The following ARHGAP26 variants were observed in gnomAD, a reference collection of about 807,000 sequenced individuals.
ARHGAP26 encodes the protein rho GTPase-activating protein 26.
A neutral mutation model predicts 104.8 loss-of-function variants in ARHGAP26; 38 were observed. The observed-to-expected ratio is 0.36, with a 90% confidence interval of 0.28 to 0.48. The LOEUF (loss-of-function observed/expected upper bound fraction) is 0.48, where lower values mean the gene tolerates loss of function less well. Among genes scored for constraint, ARHGAP26 ranks in the 20% least tolerant of loss-of-function variants. The pLI, the probability that ARHGAP26 is intolerant of heterozygous loss-of-function variation, is 0.99. For missense variants in ARHGAP26, 704 were observed against 947.9 expected (o/e 0.74, Z 3.38); for synonymous variants, 341 against 340.0 (o/e 1.00, Z -0.03).
chr5:142,856,418 G>A (rs947729187), intron 1 of ARHGAP26, among the ~76,000 whole-genome samples: 2 of 152,220 alleles, frequency 1.3e-5, no homozygotes, highest in African/African-American at 4.8e-5. Flanking sequence ...CTGAAGTGAG[G>A]CTGAACAGAC....
intron 1 of ARHGAP26, among the ~76,000 whole-genome samples, chr5:142,829,244 A>C (rs1767915313): frequency 6.6e-6 from 1 of 152,188 alleles, no homozygotes; most frequent in African/African-American, 2.4e-5. Context: ...AGGTTGACCA[A>C]ATGTCCTAGG....
At chr5:143,089,965 G>C (rs369338423) in intron 17 of ARHGAP26, among the ~76,000 whole-genome samples, 3 of 152,232 alleles carry the variant, frequency 2.0e-5, no homozygotes, top group East Asian at 3.8e-4. Flanking sequence ...TCGGCAGAGT[G>C]TCCAGTAAAG....
In ARHGAP26 at chr5:143,134,097, C is replaced by T. The variant is rs200573018; in HGVS notation, c.1829C>T (p.Thr610Ile). Residue 610 changes from threonine (T) to isoleucine (I), a missense_variant, in exon 19 of 23, where the codon ACA becomes ATA. Thr to Ile is a moderately conservative substitution (Grantham distance 89). Transcript: ENST00000645722. ...ACGCTCTTCCACACCGTTCAGTCAACAGAGAAACGTGAGTCTTTGCTGCAT... is the reference window on the plus strand; with the variant it reads ...ACGCTCTTCCACACCGTTCAGTCAATAGAGAAACGTGAGTCTTTGCTGCAT... ...PLTLFHTVQSTEKQEQRNSII... is the reference protein window; with the variant it reads ...PLTLFHTVQSIEKQEQRNSII... 1.4e-5 allele frequency: 23 copies of T among 1,609,528 alleles called. No homozygotes were observed. The South Asian group carries it at 2.3e-4, about 16-fold the overall frequency.
intron 20 of ARHGAP26, 132 bp from the exon 21 acceptor site, chr5:143,207,066 A>ACAG: frequency 9.5e-7 from 1 of 1,047,432 alleles, no homozygotes; most frequent in South Asian, 1.6e-5. Flanking sequence ...CATGGCCCTG[A>ACAG]CAGCACATCC....
At chr5:142,999,871 A>G (rs775206357) in intron 11 of ARHGAP26, among the ~76,000 whole-genome samples, 2 of 152,210 alleles carry the variant, frequency 1.3e-5, no homozygotes, top group African/African-American at 2.4e-5. Context: ...CGCAAACCAT[A>G]TATCTGACAA....
At position 142,770,933 on chromosome 5, in the gene ARHGAP26, C is replaced by T; in HGVS notation, c.154+18C>T. On this transcript the variant is annotated intron_variant, in intron 1 of 22. Coordinates refer to ENST00000645722, the MANE Select transcript of ARHGAP26 (RefSeq NM_001135608.3). ...GCTCAAGAGTGAGTGTCCCGAGCCC[C>T]TCGGGGACGCGGCTCCGGGGCGGGA... 1 of 1,593,606 alleles carries T rather than the reference C, an allele frequency of 6.3e-7. No individual in the cohort carries two copies. The highest frequency in any genetic ancestry group is 8.6e-7 in the Non-Finnish European group (1 of 1,168,748).
At chr5:143,152,508 T>TATA (rs1799969369) in intron 20 of ARHGAP26, among the ~76,000 whole-genome samples, 1 of 152,262 alleles carries the variant, frequency 6.6e-6, no homozygotes, top group Non-Finnish European at 1.5e-5. Context: ...CTCTGGTCTC[T>TATA]ATAATCTCAC....
chr5:143,054,303 G>A (rs1002211335), intron 14 of ARHGAP26, 136 bp from the exon 15 acceptor site: 6 of 563,420 alleles, frequency 1.1e-5, no homozygotes, highest in African/African-American at 9.4e-5. Context: ...TAATTTAATA[G>A]GTAAAAAAAA....
chr5:143,149,345 G>A (rs1446454853), intron 20 of ARHGAP26, among the ~76,000 whole-genome samples: 1 of 152,182 alleles, frequency 6.6e-6, no homozygotes, highest in Non-Finnish European at 1.5e-5. Context: ...GGTCAGGGAA[G>A]GTTGTTCCTG....
intron 11 of ARHGAP26, among the ~76,000 whole-genome samples, chr5:142,964,594 A>T (rs1037799351): frequency 2.4e-4 from 37 of 152,200 alleles, no homozygotes; most frequent in Admixed American, 1.8e-3. Flanking sequence ...GCAGCAAAAA[A>T]AACCGATGTT....
rs1811733710 is a variant in ARHGAP26, at chr5:143,227,056, CA to C, written c.*4613del. Reference sequence around the variant, plus strand: ...GGGGAGAAAGACAGAAAGAAGAAGCCAAAGATAACCTGATCCCTGCCTGTCT... The same window carrying C: ...GGGGAGAAAGACAGAAAGAAGAAGCCAAGATAACCTGATCCCTGCCTGTCT... On this transcript the variant is annotated 3_prime_UTR_variant, in exon 23 of 23. Coordinates refer to ENST00000645722, the MANE Select transcript of ARHGAP26 (RefSeq NM_001135608.3). 4.3e-6 allele frequency: 1 copy of C among 230,440 alleles called. No individual in the cohort carries two copies. The highest frequency in any genetic ancestry group is 2.2e-5 in the African/African-American group (1 of 45,300). 14.3% of individuals were successfully genotyped at this position (230,440 alleles called of 1,614,324 possible). A position where few individuals can be genotyped will look rare whatever the true frequency, so the allele number is the denominator to read the frequency against.
At position 142,871,285 on chromosome 5, in the gene ARHGAP26, A is replaced by G. The variant is rs897018847; in HGVS notation, c.155-2115A>G. Among the ~76,000 whole-genome samples the G allele has an allele frequency of 2.0e-5, 3 of 152,128 alleles. No individual in the cohort carries two copies. Among genetic ancestry groups the G allele is most frequent in the African/African-American group, 7.2e-5 (3 of 41,410 alleles). On this transcript the variant is annotated intron_variant, in intron 1 of 22. Coordinates refer to ENST00000645722, the MANE Select transcript of ARHGAP26 (RefSeq NM_001135608.3). The surrounding 1 kb of genome is among the most constrained non-coding windows in gnomAD (Gnocchi z 4.1). ...GGGTGCCCCTGTGCAGAAGCCTCAC[A>G]AAGGCCCCGTTGTGCATGACCAGCC...
chr5:143,058,958 A>G (rs944468993), intron 17 of ARHGAP26, among the ~76,000 whole-genome samples: 4 of 152,206 alleles, frequency 2.6e-5, no homozygotes, highest in African/African-American at 4.8e-5. Context: ...ATAACATGCA[A>G]GTTTACAGGA....
intron 11 of ARHGAP26, among the ~76,000 whole-genome samples, chr5:142,990,908 T>G (rs1192114101): frequency 2.0e-5 from 3 of 152,074 alleles, no homozygotes; most frequent in Non-Finnish European, 4.4e-5. Context: ...TACTCGGGGG[T>G]CAGGGACCCA....
At chr5:142,841,665 T>C (rs887880375) in intron 1 of ARHGAP26, among the ~76,000 whole-genome samples, 2 of 152,234 alleles carry the variant, frequency 1.3e-5, no homozygotes, top group Admixed American at 1.3e-4. Flanking sequence ...GAGCAGGAGA[T>C]GTCAGAGGCC....
At chr5:143,087,644 T>TTTTG (rs1790789715) in intron 17 of ARHGAP26, among the ~76,000 whole-genome samples, 1 of 121,616 alleles carries the variant, frequency 8.2e-6, no homozygotes, top group Non-Finnish European at 1.7e-5. Context: ...TTCTTTTTTT[T>TTTTG]TTTTTTTTTT....
intron 11 of ARHGAP26, among the ~76,000 whole-genome samples, chr5:142,986,454 A>G (rs1436520879): frequency 1.3e-5 from 2 of 152,268 alleles, no homozygotes; most frequent in Admixed American, 1.3e-4. Flanking sequence ...CCCATTCTGT[A>G]GGTTGCCTGC....
chr5:143,002,411 G>C (rs1309258928), intron 11 of ARHGAP26, among the ~76,000 whole-genome samples: 1 of 152,090 alleles, frequency 6.6e-6, no homozygotes, highest in Admixed American at 6.6e-5. Context: ...TTGGGGAGGG[G>C]AGCACATAAA....
intron 11 of ARHGAP26, chr5:143,010,618 A>T (rs1182972102): frequency 6.6e-6 from 1 of 152,228 alleles, no homozygotes; most frequent in Non-Finnish European, 1.5e-5. Flanking sequence ...CCAGACAGAG[A>T]TTAACAGCCT....
Sources: gnomAD v4.1 joint callset for allele counts (sites outside exome capture counted in the v4.1 genomes callset) on GRCh38, gnomAD v4.1.1 for gene constraint, Gnocchi (gnomAD v3.1) non-coding constraint, MANE v1.5 for transcripts, NCBI Gene and HGNC (gene_info 2026-07-23, HGNC 2026-07-21) for gene names.